KCNQ1: variants seen among roughly 807,000 people sequenced by gnomAD.
The protein encoded by KCNQ1 is potassium voltage-gated channel subfamily KQT member 1.
KCNQ1 carries 49 observed loss-of-function variants against 72.4 expected under a neutral mutation model. That is an observed-to-expected ratio of 0.68 (90% CI 0.54 to 0.86). The LOEUF (loss-of-function observed/expected upper bound fraction) is 0.86, where lower values mean the gene tolerates loss of function less well. Ranked by LOEUF, KCNQ1 falls within the 40% of genes least tolerant of loss-of-function variation. The pLI is 0.00. For missense variants in KCNQ1, 790 were observed against 945.1 expected, an observed-to-expected ratio of 0.84 and a Z score of 2.15; for synonymous variants, 450 against 412.6, an observed-to-expected ratio of 1.09 and a Z score of -1.10.
intron 6 of KCNQ1, among the ~76,000 whole-genome samples, chr11:2,578,487 G>T (rs535607117): frequency 6.6e-6 from 1 of 152,366 alleles, no homozygotes; most frequent in African/African-American, 2.4e-5. Flanking sequence ...CCTACTGGGG[G>T]CACTGAGGCC....
intron 15 of KCNQ1, among the ~76,000 whole-genome samples, chr11:2,796,856 G>C (rs1315275176): frequency 6.6e-6 from 1 of 152,198 alleles, no homozygotes; most frequent in African/African-American, 2.4e-5. Flanking sequence ...GTGAGAAAAC[G>C]ATGGGGCAGG....
chr11:2,725,508 G>C lies in KCNQ1; in HGVS notation c.1515-43336G>C, dbSNP rs1291279407. The stretch of plus-strand genomic sequence containing the variant: ...CAATCGTCTTCGAGCTACTGATATA[G>C]AACCTCTGCGTTTAGCTGTGGTTTA... On this transcript the variant is annotated intron_variant, in intron 11 of 15. Transcript: ENST00000155840. The surrounding 1 kb of genome is among the most constrained non-coding windows in gnomAD (Gnocchi z 7.2). 2.0e-5 allele frequency among the ~76,000 whole-genome samples: 3 copies of C among 152,226 alleles called. No homozygotes were observed. The East Asian group carries it at 5.8e-4, about 29-fold the overall frequency.
chr11:2,472,288 T>C (rs1249965932), intron 1 of KCNQ1, among the ~76,000 whole-genome samples: 1 of 151,378 alleles, frequency 6.6e-6, no homozygotes, highest in Non-Finnish European at 1.5e-5. Flanking sequence ...TGTATAGGTG[T>C]GTGTTTTATG....
At chr11:2,466,140 G>A (rs554957942) in intron 1 of KCNQ1, among the ~76,000 whole-genome samples, 43 of 152,350 alleles carry the variant, frequency 2.8e-4, no homozygotes, top group Admixed American at 2.5e-3. Flanking sequence ...TGCCTAGGGA[G>A]TGTCGCTGAG....
At chr11:2,503,575 G>A (rs11511852) in intron 1 of KCNQ1, among the ~76,000 whole-genome samples, 82,962 of 148,516 alleles carry the variant, frequency 0.56, 24,207 homozygotes, top group Non-Finnish European at 0.64. Context: ...AGCATTAGGA[G>A]ATATACCTAA....
At chr11:2,805,347 G>A (rs181835093) in intron 15 of KCNQ1, among the ~76,000 whole-genome samples, 6 of 152,316 alleles carry the variant, frequency 3.9e-5, no homozygotes, top group Admixed American at 6.5e-5. Context: ...AACTGCAGCC[G>A]ACGACGGAGA....
chr11:2,773,817 A>G (rs554506575), intron 12 of KCNQ1, among the ~76,000 whole-genome samples: 2 of 151,774 alleles, frequency 1.3e-5, no homozygotes, highest in African/African-American at 4.8e-5. Flanking sequence ...TAGCATCTCC[A>G]TCTTACAGGA....
In KCNQ1 at chr11:2,671,446, G is replaced by A. The variant is rs551061955; in HGVS notation, c.1514+9365G>A. The A allele has an allele frequency of 9.6e-4, 384 of 398,658 alleles. 3 individuals carry two copies. The highest frequency in any genetic ancestry group is 7.5e-3 in the African/African-American group (365 of 48,766). The allele number at this position is 398,658 out of a possible 1,614,324, so 24.7% of individuals were successfully genotyped here. A position where few individuals can be genotyped will look rare whatever the true frequency, so the allele number is the denominator to read the frequency against. On this transcript the variant is annotated intron_variant, in intron 11 of 15. Coordinates refer to ENST00000155840, the MANE Select transcript of KCNQ1 (RefSeq NM_000218.3). This position sits in a 1 kb window ranked among gnomAD's most constrained non-coding sequence, Gnocchi z 4.7. ...AGAGATTCTCCCACTTTAGCAGGCA[G>A]AAGAGCAACCCAGCAGGGGATATAC...
At chr11:2,716,285 G>T (rs888063307) in intron 11 of KCNQ1, among the ~76,000 whole-genome samples, 1 of 151,980 alleles carries the variant, frequency 6.6e-6, no homozygotes, top group Non-Finnish European at 1.5e-5. Context: ...AAGCTGAAGC[G>T]CCCACACCTA....
Position 2,710,204 on chromosome 11 carries a change from C to T in KCNQ1, c.1514+48123C>T, listed in dbSNP as rs575759160. On this transcript the variant is annotated intron_variant, in intron 11 of 15. Coordinates refer to ENST00000155840, the MANE Select transcript of KCNQ1 (RefSeq NM_000218.3). This position sits in a 1 kb window ranked among gnomAD's most constrained non-coding sequence, Gnocchi z 4.1. Reference sequence around the variant, plus strand: ...TCTTAGTGGGTGTGAAGTGATATCTCCTAGTGGTTTTGATTTGCATTTCCC... The same window carrying T: ...TCTTAGTGGGTGTGAAGTGATATCTTCTAGTGGTTTTGATTTGCATTTCCC... Among the ~76,000 whole-genome samples the T allele has an allele frequency of 6.6e-6, 1 of 152,276 alleles. No homozygotes were observed. Among genetic ancestry groups the T allele is most frequent in the East Asian group, 1.9e-4 (1 of 5,180 alleles).
At chr11:2,527,735 C>T (rs867688309) in intron 1 of KCNQ1, among the ~76,000 whole-genome samples, 193 bp from the exon 2 acceptor site, 7 of 152,352 alleles carry the variant, frequency 4.6e-5, no homozygotes, top group Middle Eastern at 3.4e-3. Flanking sequence ...CGTCCCTTCC[C>T]GTGGCGGGAC....
intron 1 of KCNQ1, among the ~76,000 whole-genome samples, chr11:2,513,583 C>T (rs1847243358): frequency 6.6e-6 from 1 of 152,220 alleles, no homozygotes; most frequent in African/African-American, 2.4e-5. Context: ...CACCAGTCCA[C>T]CATGCTGGGG....
rs570817805 is a variant in KCNQ1 at position 2,578,440 on chromosome 11, C to T, written c.922-4995C>T. Among the ~76,000 whole-genome samples the T allele has an allele frequency of 5.3e-5, 8 of 152,336 alleles. No homozygotes were observed. The East Asian group carries it at 1.2e-3, about 22-fold the overall frequency. ...AACCACTGAGACAGGCATCGTGCCA[C>T]GAGAGGGGACACCTGCCTGGACCTC... On this transcript the variant is annotated intron_variant, in intron 6 of 15. Transcript: ENST00000155840.
In KCNQ1 at chr11:2,509,290, C is replaced by T. The variant is rs559305058; in HGVS notation, c.387-18638C>T. On this transcript the variant is annotated intron_variant, in intron 1 of 15. Transcript: ENST00000155840. This position sits in a 1 kb window ranked among gnomAD's most constrained non-coding sequence, Gnocchi z 6.3. Reference sequence around the variant, plus strand: ...ACTTTGGGGTAGGGTCTGGTAGGATCCCAGGGCCCCTTCCCTTGGCATCAT... The same window carrying T: ...ACTTTGGGGTAGGGTCTGGTAGGATTCCAGGGCCCCTTCCCTTGGCATCAT... Among the ~76,000 whole-genome samples, 1 of 152,204 alleles carries T rather than the reference C, an allele frequency of 6.6e-6. No homozygotes were observed. The highest frequency in any genetic ancestry group is 2.1e-4 in the South Asian group (1 of 4,818).
At chr11:2,648,613 T>C (rs1221862211) in intron 10 of KCNQ1, 1 of 398,482 alleles carries the variant, frequency 2.5e-6, no homozygotes, top group African/African-American at 2.1e-5. Flanking sequence ...TTTCCAGTTT[T>C]ATTCCATTGT....
chr11:2,512,764 C>T (rs1000158160), intron 1 of KCNQ1, among the ~76,000 whole-genome samples: 6 of 152,172 alleles, frequency 3.9e-5, no homozygotes, highest in Non-Finnish European at 5.9e-5. Flanking sequence ...AGGCTGGGGG[C>T]GCCTGCCTGT....
Position 2,827,925 on chromosome 11 carries a change from A to G in KCNQ1, c.1795-19842A>G, listed in dbSNP as rs1256063259. The stretch of plus-strand genomic sequence containing the variant: ...TCTGAGACATGGAAGTGGTGAGGTC[A>G]GGGGCCGGGAACCCTATGGTGGTGT... On this transcript the variant is annotated intron_variant, in intron 15 of 15. Coordinates refer to ENST00000155840, the MANE Select transcript of KCNQ1 (RefSeq NM_000218.3). The surrounding 1 kb of genome is among the most constrained non-coding windows in gnomAD (Gnocchi z 6.7). Among the ~76,000 whole-genome samples, 1 of 152,204 alleles carries G rather than the reference A, an allele frequency of 6.6e-6. No homozygotes were observed. The highest frequency in any genetic ancestry group is 1.5e-5 in the Non-Finnish European group (1 of 68,036).
chr11:2,756,951 T>TAAAAAAAAAAAAAA (rs58284663), intron 11 of KCNQ1, among the ~76,000 whole-genome samples: 5 of 50,986 alleles, frequency 9.8e-5, no homozygotes, highest in Admixed American at 7.5e-4. Flanking sequence ...AAGAGCATCT[T>TAAAAAAAAAAAAAA]AAAAAAAAAA....
At chr11:2,741,063 G>C (rs1359072960) in intron 11 of KCNQ1, among the ~76,000 whole-genome samples, 4 of 152,186 alleles carry the variant, frequency 2.6e-5, no homozygotes, top group South Asian at 2.1e-4. Context: ...GCCCTGGGGT[G>C]GGGGGTGTTC....
Sources: gnomAD v4.1 joint callset for allele counts (sites outside exome capture counted in the v4.1 genomes callset) on GRCh38, gnomAD v4.1.1 for gene constraint, Gnocchi (gnomAD v3.1) non-coding constraint, MANE v1.5 for transcripts, NCBI Gene and HGNC (gene_info 2026-07-23, HGNC 2026-07-21) for gene names.